Variants in FMN1 observed in about 807,000 individuals in gnomAD.
The protein encoded by FMN1 is formin 1, also known as formin-1.
A neutral mutation model predicts 132.4 loss-of-function variants in FMN1; 110 were observed. That is an observed-to-expected ratio of 0.83 (90% confidence interval 0.71 to 0.97). The LOEUF (loss-of-function observed/expected upper bound fraction) is 0.97. Among genes scored for constraint, FMN1 ranks in the 50% least tolerant of loss-of-function variants. FMN1 has a pLI of 0.00. For missense variants in FMN1, 1,792 were observed against 1,705.3 expected, an observed-to-expected ratio of 1.05 and a Z score of -0.90; for synonymous variants, 722 against 651.7, an observed-to-expected ratio of 1.11 and a Z score of -1.64.
chr15:32,843,049 C>A (rs939637408), intron 17 of FMN1, among the ~76,000 whole-genome samples: 1 of 151,260 alleles, frequency 6.6e-6, no homozygotes, highest in Non-Finnish European at 1.5e-5. Context: ...ATCGCTTGAA[C>A]TCAGGAAGCA....
chr15:32,785,218 A>ATATATATATATTTTTTTTTTTT (rs1444523400), intron 19 of FMN1, among the ~76,000 whole-genome samples: 10 of 39,202 alleles, frequency 2.6e-4, no homozygotes, highest in East Asian at 5.2e-4. Flanking sequence ...ATATATATAT[A>ATATATATATATTTTTTTTTTTT]TTTTTTTTTT....
intron 4 of FMN1, among the ~76,000 whole-genome samples, chr15:33,137,087 CAAAAAAAAAAAAA>C (rs3082373): frequency 2.9e-4 from 15 of 52,430 alleles, no homozygotes; most frequent in South Asian, 1.3e-3. Flanking sequence ...GACCCCGTCT[CAAAAAAAAAAAAA>C]AAAAAAAAAA....
At chr15:32,823,882 G>A (rs576151225) in intron 17 of FMN1, among the ~76,000 whole-genome samples, 58 of 152,282 alleles carry the variant, frequency 3.8e-4, no homozygotes, top group East Asian at 1.9e-4. Flanking sequence ...AGGCTTCTGC[G>A]AACTCACAAG....
chr15:32,878,613 G>C (rs1057088139), intron 16 of FMN1, among the ~76,000 whole-genome samples: 1 of 152,142 alleles, frequency 6.6e-6, no homozygotes, highest in African/African-American at 2.4e-5. Context: ...GCTATGAAAA[G>C]GGATTTCCTT....
chr15:33,115,424 G>A (rs1425237271), intron 4 of FMN1, among the ~76,000 whole-genome samples: 4 of 152,020 alleles, frequency 2.6e-5, no homozygotes, highest in Admixed American at 6.6e-5. Context: ...TTATGAAAGA[G>A]GTAGGCAAGG....
chr15:32,870,914 G>A (rs189137440), intron 16 of FMN1, among the ~76,000 whole-genome samples: 10 of 152,300 alleles, frequency 6.6e-5, no homozygotes, highest in East Asian at 5.8e-4. Context: ...AGAAAACATT[G>A]TCAAGAATAA....
intron 15 of FMN1, among the ~76,000 whole-genome samples, chr15:32,897,707 G>A (rs900410962): frequency 6.6e-6 from 1 of 152,222 alleles, no homozygotes; most frequent in African/African-American, 2.4e-5. Context: ...GATCAGAGCT[G>A]TGTAAAGAGG....
At chr15:32,858,486 G>C (rs947977937) in intron 16 of FMN1, among the ~76,000 whole-genome samples, 1 of 152,188 alleles carries the variant, frequency 6.6e-6, no homozygotes, top group Non-Finnish European at 1.5e-5. Flanking sequence ...GAGGTATCTA[G>C]GGATTTCTCA....
Position 32,930,720 on chromosome 15 carries a change from TG to T in FMN1, c.3139-4460del, listed in dbSNP as rs370256753. Among the ~76,000 whole-genome samples, 70 of 149,788 alleles carry T rather than the reference TG, an allele frequency of 4.7e-4. 1 individual carries two copies. Among genetic ancestry groups the T allele is most frequent in the Middle Eastern group, 3.4e-3 (1 of 294 alleles). ...GTGCATCTGTTATTTTTGCTTTTTT[TG>T]GGGGGGGGCGGTCTATGCTTTTCAT... On this transcript the variant is annotated intron_variant, in intron 9 of 20. Coordinates refer to ENST00000616417, the MANE Select transcript of FMN1 (RefSeq NM_001277313.2).
At chr15:32,888,107 C>T in intron 16 of FMN1, 65 bp downstream of exon 16, 1 of 1,395,052 alleles carries the variant, frequency 7.2e-7, no homozygotes, top group South Asian at 1.4e-5. Context: ...CCTAAATAAT[C>T]CTCTTAAAAC....
intron 5 of FMN1, among the ~76,000 whole-genome samples, chr15:33,079,843 C>T (rs2038377978): frequency 6.6e-6 from 1 of 151,950 alleles, no homozygotes; most frequent in African/African-American, 2.4e-5. Flanking sequence ...TTTTTTTCAA[C>T]TGCTTTATCA....
chr15:33,012,212 G>A (rs1237396800), intron 6 of FMN1: 16 of 645,810 alleles, frequency 2.5e-5, no homozygotes, highest in Middle Eastern at 8.6e-4. Flanking sequence ...AAGTGCCTGA[G>A]GAATCATTTT....
intron 8 of FMN1, among the ~76,000 whole-genome samples, chr15:32,968,285 T>C (rs2031435647): frequency 6.6e-6 from 1 of 152,334 alleles, no homozygotes; most frequent in African/African-American, 2.4e-5. Flanking sequence ...GTTAAATATC[T>C]AGATTATAGG....
At chr15:33,051,857 AC>A (rs1484530478) in intron 6 of FMN1, among the ~76,000 whole-genome samples, 1 of 151,978 alleles carries the variant, frequency 6.6e-6, no homozygotes, top group Admixed American at 6.6e-5. Context: ...AACATATAAA[AC>A]CCCAAGTCAA....
At chr15:33,010,072 C>A (rs144981903) in intron 6 of FMN1, among the ~76,000 whole-genome samples, 1 of 152,072 alleles carries the variant, frequency 6.6e-6, no homozygotes, top group African/African-American at 2.4e-5. Context: ...TTAGTAGAGA[C>A]AGGGTTTTAC....
chr15:32,925,472 C>A (rs1366152141), intron 10 of FMN1, among the ~76,000 whole-genome samples: 1 of 152,088 alleles, frequency 6.6e-6, no homozygotes, highest in East Asian at 1.9e-4. Context: ...ATCAGCAAAA[C>A]CTAAAATGTG....
chr15:33,125,777 C>G (rs1963002119), intron 4 of FMN1, among the ~76,000 whole-genome samples: 1 of 151,976 alleles, frequency 6.6e-6, no homozygotes, highest in South Asian at 2.1e-4. Flanking sequence ...GGTAAAAACT[C>G]CCACTGTTTT....
intron 2 of FMN1, among the ~76,000 whole-genome samples, chr15:33,188,061 A>G (rs1965947662): frequency 6.6e-6 from 1 of 152,120 alleles, no homozygotes; most frequent in African/African-American, 2.4e-5. Flanking sequence ...TTGGCCGGGC[A>G]CGGTGGCTCA....
At chr15:33,142,249 A>G (rs2140253923) in intron 4 of FMN1, among the ~76,000 whole-genome samples, 1 of 152,318 alleles carries the variant, frequency 6.6e-6, no homozygotes, top group South Asian at 2.1e-4. Flanking sequence ...CAACTGGCTC[A>G]AAATCAATAT....
Sources: gnomAD v4.1 joint callset for allele counts (sites outside exome capture counted in the v4.1 genomes callset) on GRCh38, gnomAD v4.1.1 for gene constraint, MANE v1.5 for transcripts, NCBI Gene and HGNC (gene_info 2026-07-23, HGNC 2026-07-21) for gene names.